Variants in WWOX observed in about 807,000 individuals in gnomAD.
WWOX encodes the protein WW domain-containing oxidoreductase.
A neutral mutation model predicts 46.2 loss-of-function variants in WWOX; 69 were observed. The observed-to-expected ratio is 1.49, with a 90% CI of 1.23 to 1.82. WWOX has a LOEUF of 1.82. WWOX is among the 40% of genes most tolerant of loss of function. WWOX has a pLI of 0.00. For synonymous variants in WWOX, 359 were observed against 202.6 expected, an observed-to-expected ratio of 1.77 and a Z score of -6.56; for missense variants, 919 against 542.6, an observed-to-expected ratio of 1.69 and a Z score of -6.89.
intron 5 of WWOX, among the ~76,000 whole-genome samples, chr16:78,239,928 A>G (rs999832230): frequency 6.6e-6 from 1 of 152,148 alleles, no homozygotes; most frequent in Non-Finnish European, 1.5e-5. Context: ...CTCAAAGTCC[A>G]TGGTGACGAT....
chr16:78,110,051 A>T (rs1269257761), intron 3 of WWOX, among the ~76,000 whole-genome samples: 1 of 151,914 alleles, frequency 6.6e-6, no homozygotes, highest in Non-Finnish European at 1.5e-5. Context: ...TAAAAAAAAA[A>T]AGTAGGGAGG....
intron 5 of WWOX, among the ~76,000 whole-genome samples, chr16:78,352,424 C>T (rs980101453): frequency 6.6e-6 from 1 of 152,184 alleles, no homozygotes; most frequent in Non-Finnish European, 1.5e-5. Context: ...GAAGAGAACC[C>T]ACTTCCTTGC....
chr16:78,408,607 G>A (rs143541783), intron 6 of WWOX, among the ~76,000 whole-genome samples: 2 of 152,308 alleles, frequency 1.3e-5, no homozygotes, highest in African/African-American at 4.8e-5. Flanking sequence ...GTCCTACGTA[G>A]CTATCTATTG....
chr16:78,888,866 A>G (rs1287152052), intron 8 of WWOX, among the ~76,000 whole-genome samples: 1 of 151,792 alleles, frequency 6.6e-6, no homozygotes, highest in East Asian at 1.9e-4. Flanking sequence ...GCCCAGCAGT[A>G]TTTCTGTTTA....
chr16:79,210,031 T>A (rs933944003), intron 8 of WWOX, among the ~76,000 whole-genome samples: 1 of 152,098 alleles, frequency 6.6e-6, no homozygotes, highest in African/African-American at 2.4e-5. Context: ...TACTATTAAG[T>A]TCAAGTCATG....
Position 78,302,962 on chromosome 16 carries a change from A to G in WWOX, c.517-83898A>G, listed in dbSNP as rs192075539. 9.2e-5 allele frequency among the ~76,000 whole-genome samples: 14 copies of G among 152,304 alleles called. No homozygotes were observed. The East Asian group carries it at 2.3e-3, about 25-fold the overall frequency. ...TCTTGTTGAAGACAAGGCTTAGAAC[A>G]TCATCAGACCCAGAGCCTTTCTCAG... On this transcript the variant is annotated intron_variant, in intron 5 of 8. Coordinates refer to ENST00000566780, the MANE Select transcript of WWOX (RefSeq NM_016373.4).
chr16:78,798,467 T>C (rs531921259), intron 8 of WWOX, among the ~76,000 whole-genome samples: 12 of 152,304 alleles, frequency 7.9e-5, no homozygotes, highest in African/African-American at 2.9e-4. Context: ...TTTTTTGTTA[T>C]GTACTCATGC....
At chr16:78,554,903 C>T (rs1274206861) in intron 8 of WWOX, among the ~76,000 whole-genome samples, 2 of 152,184 alleles carry the variant, frequency 1.3e-5, no homozygotes, top group East Asian at 3.9e-4. Flanking sequence ...TTCACAAAGA[C>T]TGTAAGCCTT....
intron 8 of WWOX, among the ~76,000 whole-genome samples, chr16:78,977,054 T>C (rs2046586580): frequency 6.6e-6 from 1 of 152,196 alleles, no homozygotes; most frequent in Non-Finnish European, 1.5e-5. Context: ...CAACTGAGGC[T>C]CACGCACACG....
chr16:78,644,050 C>A (rs963740534), intron 8 of WWOX, among the ~76,000 whole-genome samples: 3 of 152,042 alleles, frequency 2.0e-5, no homozygotes, highest in Non-Finnish European at 4.4e-5. Flanking sequence ...TGGAGAAAAC[C>A]TGTGTCTTCT....
Position 78,554,730 on chromosome 16 carries a change from G to A in WWOX, c.1056+121978G>A, listed in dbSNP as rs533498203. Among the ~76,000 whole-genome samples, 7 of 152,212 alleles carry A rather than the reference G, an allele frequency of 4.6e-5. No homozygotes were observed. In the South Asian group the frequency reaches 1.2e-3, roughly 27 times the overall value. On this transcript the variant is annotated intron_variant, in intron 8 of 8. Transcript: ENST00000566780. The stretch of plus-strand genomic sequence containing the variant: ...TAAGGCAGCCTTCCATTCAGGGCAC[G>A]CAGATTTGGTTCCTCAGCTCCCTTC...
chr16:78,623,908 C>G (rs1330569413), intron 8 of WWOX, among the ~76,000 whole-genome samples: 2 of 152,126 alleles, frequency 1.3e-5, no homozygotes, highest in Non-Finnish European at 1.5e-5. Context: ...TCATCAGGAG[C>G]AGCTCATGTG....
chr16:78,996,441 T>G, intron 8 of WWOX: 1 of 593,864 alleles, frequency 1.7e-6, no homozygotes, highest in South Asian at 7.5e-5. Flanking sequence ...AATGGAGGCA[T>G]ATTCAAAGTG....
intron 8 of WWOX, among the ~76,000 whole-genome samples, chr16:78,935,174 A>G (rs1368327240): frequency 6.6e-6 from 1 of 152,222 alleles, no homozygotes; most frequent in African/African-American, 2.4e-5. Flanking sequence ...AACCAGTTCA[A>G]CCATTGTGGA....
At chr16:78,347,060 G>T (rs1482033079) in intron 5 of WWOX, among the ~76,000 whole-genome samples, 1 of 117,778 alleles carries the variant, frequency 8.5e-6, no homozygotes, top group African/African-American at 2.9e-5. Flanking sequence ...TGGGGGTTGG[G>T]GTAATAGGTT....
chr16:78,712,981 A>C (rs141191052), intron 8 of WWOX, among the ~76,000 whole-genome samples: 1 of 152,086 alleles, frequency 6.6e-6, no homozygotes, highest in Non-Finnish European at 1.5e-5. Context: ...AGAAATAGCT[A>C]GTATCAGGCC....
At chr16:78,767,810 T>G (rs1357557603) in intron 8 of WWOX, among the ~76,000 whole-genome samples, 1 of 152,208 alleles carries the variant, frequency 6.6e-6, no homozygotes, top group East Asian at 1.9e-4. Context: ...CCTAATGATG[T>G]TAAGCGTACT....
intron 5 of WWOX, among the ~76,000 whole-genome samples, chr16:78,282,339 A>C (rs1186881209): frequency 6.6e-6 from 1 of 152,182 alleles, no homozygotes; most frequent in Non-Finnish European, 1.5e-5. Flanking sequence ...TAGAGACATC[A>C]GGAGGGGATC....
At chr16:78,237,917 G>T (rs550917996) in intron 5 of WWOX, among the ~76,000 whole-genome samples, 67 of 152,242 alleles carry the variant, frequency 4.4e-4, no homozygotes, top group African/African-American at 1.6e-3. Context: ...AGCATCTGAT[G>T]TCCAACAACA....
Sources: gnomAD v4.1 joint callset for allele counts (sites outside exome capture counted in the v4.1 genomes callset) on GRCh38, gnomAD v4.1.1 for gene constraint, MANE v1.5 for transcripts, NCBI Gene and HGNC (gene_info 2026-07-23, HGNC 2026-07-21) for gene names.